The following ROPN1L variants were observed in gnomAD, a reference collection of about 807,000 sequenced individuals.
ROPN1L encodes ropporin-1-like protein.
ROPN1L carries 23 observed loss-of-function variants against 22.7 expected under a neutral mutation model. The observed-to-expected ratio is 1.01, with a 90% CI of 0.73 to 1.43. The LOEUF (loss-of-function observed/expected upper bound fraction) is 1.43, where lower values mean the gene tolerates loss of function less well. Ranked by LOEUF, ROPN1L falls within the 40% of genes most tolerant of loss-of-function variation. The probability of loss-of-function intolerance (pLI) is 0.00; values close to 1 mark genes in which losing one functional copy is unlikely to be tolerated. For missense variants in ROPN1L, 271 were observed against 291.5 expected, an observed-to-expected ratio of 0.93 and a Z score of 0.51; for synonymous variants, 116 against 117.8, an observed-to-expected ratio of 0.98 and a Z score of 0.10.
At chr5:10,459,117 C>G (rs1295674492) in intron 3 of ROPN1L, among the ~76,000 whole-genome samples, 1 of 151,626 alleles carries the variant, frequency 6.6e-6, no homozygotes, top group Non-Finnish European at 1.5e-5. Context: ...CAGCTTCTCT[C>G]TGGAACTTTT....
downstream of ROPN1L, among the ~76,000 whole-genome samples, chr5:10,472,214 C>T (rs951675599): frequency 6.6e-6 from 1 of 150,970 alleles, no homozygotes; most frequent in Non-Finnish European, 1.5e-5. Flanking sequence ...GTATTAAGTC[C>T]ACCCATCAAC....
chr5:10,455,299 C>G (rs887087198), intron 3 of ROPN1L, among the ~76,000 whole-genome samples: 1 of 152,220 alleles, frequency 6.6e-6, no homozygotes, highest in African/African-American at 2.4e-5. Flanking sequence ...CTCGAAAGCC[C>G]ATTCGGAAGT....
intron 4 of ROPN1L, among the ~76,000 whole-genome samples, chr5:10,463,546 G>A (rs1324201713): frequency 6.6e-6 from 1 of 152,184 alleles, no homozygotes; most frequent in Non-Finnish European, 1.5e-5. Context: ...AAGGGAGATG[G>A]GGTCCCTGAG....
the ROPN1L span, among the ~76,000 whole-genome samples, chr5:10,482,750 C>T: frequency 3.9e-5 from 6 of 152,168 alleles, no homozygotes; most frequent in East Asian, 5.8e-4. Flanking sequence ...TGACCTTACT[C>T]GAAAGTTCTG....
chr5:10,446,973 G>C (rs1741088449), intron 1 of ROPN1L, among the ~76,000 whole-genome samples: 1 of 152,220 alleles, frequency 6.6e-6, no homozygotes, highest in African/African-American at 2.4e-5. Flanking sequence ...AGCTGAAGTT[G>C]TCTTACAAAG....
At position 10,456,104 on chromosome 5, in the gene ROPN1L, G is replaced by A. The variant is rs546839919; in HGVS notation, c.418-5080G>A. ...CAGAGTTGGCATGCCGAAAATGCCC[G>A]GAAAATAGTGGGTGCCCTCGTGCCT... On this transcript the variant is annotated intron_variant, in intron 3 of 4. Coordinates refer to ENST00000274134, the MANE Select transcript of ROPN1L (RefSeq NM_031916.5). Among the ~76,000 whole-genome samples, 11 of 152,310 alleles carry A rather than the reference G, an allele frequency of 7.2e-5. No homozygotes were observed. In the South Asian group the frequency reaches 1.4e-3, roughly 20 times the overall value.
downstream of ROPN1L, among the ~76,000 whole-genome samples, chr5:10,469,109 C>T (rs774802074): frequency 1.3e-4 from 19 of 151,916 alleles, no homozygotes; most frequent in Non-Finnish European, 1.8e-4. Flanking sequence ...GAGCCGAGAT[C>T]GTGCCACTGC....
At chr5:10,467,422 C>T (rs1241199204), downstream of ROPN1L, among the ~76,000 whole-genome samples, 2 of 152,070 alleles carry the variant, frequency 1.3e-5, no homozygotes, top group Non-Finnish European at 2.9e-5. Context: ...AGAACAAAAC[C>T]ACGGGATCAC....
At chr5:10,462,975 A>C (rs549256362) in intron 4 of ROPN1L, among the ~76,000 whole-genome samples, 5 of 152,394 alleles carry the variant, frequency 3.3e-5, no homozygotes, top group Non-Finnish European at 5.9e-5. Flanking sequence ...AAACGTAGAC[A>C]TGGATTACTG....
At position 10,448,347 on chromosome 5, in the gene ROPN1L, C is replaced by A. The variant is rs190532656; in HGVS notation, c.219C>A (p.Gly73=). ...MPTATQKTDT[G]LTQGLLKVLH... ...CGGCAACCCAGAAAACAGACACAGG[C>A]CTGACTCAAGGACTCCTGAAAGTTT... Residue 73 remains glycine (G), a synonymous_variant, in exon 2 of 5, where the codon GGC becomes GGA. Coordinates refer to ENST00000274134, the MANE Select transcript of ROPN1L (RefSeq NM_031916.5). 1.9e-5 allele frequency: 31 copies of A among 1,614,198 alleles called. No homozygotes were observed. In the African/African-American group the frequency reaches 3.2e-4, roughly 17 times the overall value.
rs1372843030 is a variant in ROPN1L, at chr5:10,442,114, T to G, written c.-54T>G. The stretch of plus-strand genomic sequence containing the variant: ...ACCGCGTCGTAGCCGACAGCCGCCC[T>G]TCTTCCTCGCAGCGCGCCGCGATTC... On this transcript the variant is annotated 5_prime_UTR_variant, in exon 1 of 5. Coordinates refer to ENST00000274134, the MANE Select transcript of ROPN1L (RefSeq NM_031916.5). 1.3e-6 allele frequency: 2 copies of G among 1,579,318 alleles called. No homozygotes were observed. Among genetic ancestry groups the G allele is most frequent in the South Asian group, 2.3e-5 (2 of 88,598 alleles).
At chr5:10,449,085 C>G (rs1741170933) in intron 2 of ROPN1L, among the ~76,000 whole-genome samples, 1 of 152,234 alleles carries the variant, frequency 6.6e-6, no homozygotes, top group Admixed American at 6.5e-5. Context: ...AATTCTGAAA[C>G]TAGGACTACC....
At chr5:10,472,834 T>C (rs1367562922), downstream of ROPN1L, among the ~76,000 whole-genome samples, 2 of 152,106 alleles carry the variant, frequency 1.3e-5, no homozygotes, top group Admixed American at 1.3e-4. Flanking sequence ...TATAGATAGG[T>C]GAAGAGAAAG....
At position 10,450,767 on chromosome 5, in the gene ROPN1L, G is replaced by A. The variant is rs190341361; in HGVS notation, c.417+654G>A. On this transcript the variant is annotated intron_variant, in intron 3 of 4. Coordinates refer to ENST00000274134, the MANE Select transcript of ROPN1L (RefSeq NM_031916.5). The stretch of plus-strand genomic sequence containing the variant: ...GATCTGCCCACCTTGGCCTCCCAAA[G>A]TGTTGGGATTACAGGCGTGAGCCAC... 9.2e-5 allele frequency among the ~76,000 whole-genome samples: 14 copies of A among 152,344 alleles called. No homozygotes were observed. The East Asian group carries it at 2.7e-3, about 29-fold the overall frequency.
chr5:10,455,272 G>A (rs1039890158), intron 3 of ROPN1L, among the ~76,000 whole-genome samples: 2 of 152,206 alleles, frequency 1.3e-5, no homozygotes, highest in African/African-American at 2.4e-5. Context: ...TTTCCTTCCA[G>A]GTTTCCGCAG....
At chr5:10,458,557 C>CG (rs1438597559) in intron 3 of ROPN1L, among the ~76,000 whole-genome samples, 35 of 105,496 alleles carry the variant, frequency 3.3e-4, no homozygotes, top group African/African-American at 1.2e-3. Flanking sequence ...ACACCATCCC[C>CG]CCCATGTACA....
chr5:10,465,160 C>A (rs1389597659), downstream of ROPN1L: 4 of 355,084 alleles, frequency 1.1e-5, no homozygotes, highest in Non-Finnish European at 2.0e-5. Context: ...AAAATGATCT[C>A]TTTTAAGAAA....
downstream of ROPN1L, chr5:10,465,056 T>C (rs1735128795): frequency 3.5e-6 from 2 of 565,960 alleles, no homozygotes; most frequent in Admixed American, 3.4e-5. Flanking sequence ...TTTCTCTAAA[T>C]GGGAATTTAG....
At chr5:10,458,252 C>T (rs980741513) in intron 3 of ROPN1L, among the ~76,000 whole-genome samples, 1 of 151,954 alleles carries the variant, frequency 6.6e-6, no homozygotes, top group Admixed American at 6.6e-5. Context: ...AAATGCTTTT[C>T]TTCACTCACC....
Sources: allele counts gnomAD v4.1 joint callset (sites outside exome capture counted in the v4.1 genomes callset), GRCh38; gene constraint gnomAD v4.1.1; transcripts MANE v1.5; gene names NCBI Gene and HGNC (gene_info 2026-07-23, HGNC 2026-07-21).